The following ZFHX3 variants were observed in gnomAD, a reference collection of about 807,000 sequenced individuals.
ZFHX3 encodes zinc finger homeobox 3, also known as zinc finger homeobox protein 3.
A neutral mutation model predicts 279.1 loss-of-function variants in ZFHX3; 42 were observed. The ratio of observed to expected loss-of-function variants is 0.15; its 90% CI spans 0.12 to 0.19. ZFHX3 has a LOEUF of 0.19. ZFHX3 is among the 10% of genes least tolerant of loss of function. The probability of loss-of-function intolerance (pLI) is 1.00; values close to 1 mark genes in which losing one functional copy is unlikely to be tolerated. For synonymous variants in ZFHX3, 2,293 were observed against 1,957.8 expected, an observed-to-expected ratio of 1.17 and a Z score of -4.52; for missense variants, 4,981 against 4,754.0, an observed-to-expected ratio of 1.05 and a Z score of -1.40.
At chr16:73,339,271 C>G (rs573478962) in intron 3 of ZFHX3, among the ~76,000 whole-genome samples, 1 of 152,322 alleles carries the variant, frequency 6.6e-6, no homozygotes, top group African/African-American at 2.4e-5. Context: ...TTCACCTGCT[C>G]TCCTCTGCCT....
At chr16:73,434,103 C>T (rs564149100) in intron 3 of ZFHX3, among the ~76,000 whole-genome samples, 13 of 152,190 alleles carry the variant, frequency 8.5e-5, no homozygotes, top group Non-Finnish European at 1.3e-4. Context: ...GTCAATAAAC[C>T]GCCCAAACAC....
At chr16:72,842,221 C>G (rs954261131) in intron 4 of ZFHX3, among the ~76,000 whole-genome samples, 2 of 148,836 alleles carry the variant, frequency 1.3e-5, no homozygotes, top group Non-Finnish European at 3.0e-5. Context: ...TTTTTTTTTT[C>G]TTTTTTCTTT....
chr16:72,910,731 T>C (rs1266720588), intron 3 of ZFHX3, among the ~76,000 whole-genome samples: 5 of 152,176 alleles, frequency 3.3e-5, no homozygotes, highest in Non-Finnish European at 5.9e-5. Context: ...GCTTAATTAA[T>C]GGTGAACATT....
chr16:73,318,695 G>A (rs148954677), intron 3 of ZFHX3, among the ~76,000 whole-genome samples: 11 of 152,214 alleles, frequency 7.2e-5, no homozygotes, highest in African/African-American at 1.9e-4. Flanking sequence ...TAAATGAAGC[G>A]TAATCACTGT....
chr16:73,712,432 C>T (rs1481553094), intron 1 of ZFHX3, among the ~76,000 whole-genome samples: 1 of 152,192 alleles, frequency 6.6e-6, no homozygotes, highest in Admixed American at 6.5e-5. Flanking sequence ...CCTTCCCCAG[C>T]CCCTGCCCAG....
In ZFHX3 at chr16:72,788,823, C is replaced by G; in HGVS notation, c.9453G>C (p.Leu3151Phe). ...NTALTSPKPN[L>F]MGLPSTTVPS... ...GAACAGTTGTGCTGGGCAGACCCAT[C>G]AAGTTCGGCTTAGGAGACGTTAAAG... The change falls in exon 10 of 10, where the codon TTG becomes TTC. Residue 3151 changes from leucine to phenylalanine, a missense_variant. Transcript: ENST00000268489. The G allele has an allele frequency of 6.6e-7, 1 of 1,523,362 alleles. No homozygotes were observed. Among genetic ancestry groups the G allele is most frequent in the East Asian group, 2.3e-5 (1 of 44,200 alleles). 94.4% of individuals were successfully genotyped at this position (1,523,362 alleles called of 1,614,324 possible). A position where few individuals can be genotyped will look rare whatever the true frequency, so the allele number is the denominator to read the frequency against.
At chr16:73,312,295 C>T (rs1299839062) in intron 4 of ZFHX3, among the ~76,000 whole-genome samples, 1 of 152,034 alleles carries the variant, frequency 6.6e-6, no homozygotes, top group Non-Finnish European at 1.5e-5. Flanking sequence ...AGGAGAGGGA[C>T]ATATGTGCTG....
intron 1 of ZFHX3, among the ~76,000 whole-genome samples, chr16:73,865,336 G>C (rs1241306631): frequency 6.6e-6 from 1 of 152,200 alleles, no homozygotes; most frequent in Non-Finnish European, 1.5e-5. Context: ...ATGCAGAGAT[G>C]TTAAGGCCCC....
intron 2 of ZFHX3, chr16:73,679,795 G>A (rs563246947): frequency 6.6e-6 from 1 of 152,242 alleles, no homozygotes; most frequent in South Asian, 2.1e-4. Flanking sequence ...ATTAAGCACT[G>A]AAATTATCAA....
intron 2 of ZFHX3, among the ~76,000 whole-genome samples, chr16:73,567,922 A>G (rs1377051059): frequency 6.6e-6 from 1 of 152,224 alleles, no homozygotes; most frequent in Non-Finnish European, 1.5e-5. Flanking sequence ...AGCAAAATGT[A>G]GATGATGCCT....
intron 3 of ZFHX3, among the ~76,000 whole-genome samples, chr16:73,322,327 G>A (rs1454335669): frequency 2.6e-5 from 4 of 151,896 alleles, no homozygotes; most frequent in Admixed American, 6.6e-5. Flanking sequence ...GTTTAATGGC[G>A]AGGCAGCTAG....
intron 1 of ZFHX3, among the ~76,000 whole-genome samples, chr16:73,887,603 G>C (rs1049127244): frequency 6.6e-6 from 1 of 152,028 alleles, no homozygotes; most frequent in Non-Finnish European, 1.5e-5. Flanking sequence ...TGAAGTGAAT[G>C]CTTCTTTAGA....
chr16:73,711,012 C>T (rs376945602), intron 1 of ZFHX3, among the ~76,000 whole-genome samples: 12 of 152,320 alleles, frequency 7.9e-5, no homozygotes, highest in East Asian at 5.8e-4. Flanking sequence ...TACGGAAAGA[C>T]GTGCTGTAAT....
chr16:72,983,524 T>C lies in ZFHX3; in HGVS notation c.-49-23330A>G, dbSNP rs375736716. Among the ~76,000 whole-genome samples the C allele has an allele frequency of 9.2e-5, 14 of 152,160 alleles. No homozygotes were observed. The East Asian group carries it at 9.7e-4, about 11-fold the overall frequency. ...CAGTTCGAGGCCAGCCACAGCAACA[T>C]AGTAAGACCCCCATCTCTACAAAAA... On this transcript the variant is annotated intron_variant, in intron 1 of 9. Coordinates refer to ENST00000268489, the MANE Select transcript of ZFHX3 (RefSeq NM_006885.4).
At chr16:73,798,728 C>T (rs1960066702) in intron 1 of ZFHX3, among the ~76,000 whole-genome samples, 1 of 152,158 alleles carries the variant, frequency 6.6e-6, no homozygotes, top group African/African-American at 2.4e-5. Context: ...ACCGATTCAG[C>T]AGAAGCACAA....
At chr16:73,235,813 G>C (rs536584730) in intron 5 of ZFHX3, among the ~76,000 whole-genome samples, 33 of 152,172 alleles carry the variant, frequency 2.2e-4, no homozygotes, top group African/African-American at 7.5e-4. Context: ...TGGGACTATA[G>C]GCATGCGCCA....
At chr16:73,432,256 A>G (rs1473516263) in intron 3 of ZFHX3, among the ~76,000 whole-genome samples, 1 of 152,014 alleles carries the variant, frequency 6.6e-6, no homozygotes, top group Non-Finnish European at 1.5e-5. Flanking sequence ...TACTGATTAC[A>G]GTGCTCTCTC....
intron 1 of ZFHX3, among the ~76,000 whole-genome samples, chr16:73,871,423 G>A (rs58783075): frequency 0.01 from 1,523 of 151,908 alleles, 20 homozygotes; most frequent in African/African-American, 0.034. Context: ...TTAACCCAAC[G>A]TGATTACAAT....
chr16:73,505,561 A>G (rs1040520710), intron 2 of ZFHX3, among the ~76,000 whole-genome samples: 10 of 152,110 alleles, frequency 6.6e-5, no homozygotes, highest in African/African-American at 2.4e-4. Context: ...TTGGAGGAAA[A>G]AAAAAAAAGA....
Sources: allele counts gnomAD v4.1 joint callset (sites outside exome capture counted in the v4.1 genomes callset), GRCh38; gene constraint gnomAD v4.1.1; transcripts MANE v1.5; gene names NCBI Gene and HGNC (gene_info 2026-07-23, HGNC 2026-07-21).